PTPRM: variants seen among roughly 807,000 people sequenced by gnomAD.
PTPRM encodes the protein protein tyrosine phosphatase receptor type M, also known as receptor-type tyrosine-protein phosphatase mu.
Under a neutral mutation model 186.7 loss-of-function variants are expected in PTPRM, and 47 were observed. That is an observed-to-expected ratio of 0.25 (90% CI 0.20 to 0.32). PTPRM has a LOEUF of 0.32. Among genes scored for constraint, PTPRM ranks in the 10% least tolerant of loss-of-function variants. The pLI is 1.00. For missense variants in PTPRM, 1,494 were observed against 1,865.0 expected (o/e 0.80, Z 3.66); for synonymous variants, 668 against 674.9 (o/e 0.99, Z 0.16).
At chr18:7,591,929 A>G (rs2037135579) in intron 1 of PTPRM, among the ~76,000 whole-genome samples, 1 of 151,994 alleles carries the variant, frequency 6.6e-6, no homozygotes, top group South Asian at 2.1e-4. Flanking sequence ...ATTAATACCA[A>G]CCTCAGGGGG....
intron 14 of PTPRM, among the ~76,000 whole-genome samples, chr18:8,236,978 T>A (rs558742044): frequency 6.6e-6 from 1 of 152,382 alleles, no homozygotes; most frequent in Admixed American, 6.5e-5. Flanking sequence ...TTGGTTTTAA[T>A]GGAGCATTTT....
intron 32 of PTPRM, 44 bp from the exon 33 acceptor site, chr18:8,406,065 G>A (rs567411297): frequency 1.9e-5 from 30 of 1,570,528 alleles, no homozygotes; most frequent in South Asian, 1.9e-4. Context: ...TAGGAACAGC[G>A]TTGAGATATT....
chr18:8,217,893 T>C (rs1240371629), intron 14 of PTPRM, among the ~76,000 whole-genome samples: 1 of 152,210 alleles, frequency 6.6e-6, no homozygotes, highest in Non-Finnish European at 1.5e-5. Flanking sequence ...ATTAACATGG[T>C]ATCAGGGATC....
At chr18:7,723,775 C>G (rs186229665) in intron 1 of PTPRM, among the ~76,000 whole-genome samples, 1 of 152,296 alleles carries the variant, frequency 6.6e-6, no homozygotes, top group East Asian at 1.9e-4. Flanking sequence ...ACCCTGTCCC[C>G]TGGGGGCGCG....
intron 14 of PTPRM, among the ~76,000 whole-genome samples, chr18:8,204,424 A>G (rs745461586): frequency 2.6e-5 from 4 of 152,128 alleles, no homozygotes; most frequent in African/African-American, 7.2e-5. Flanking sequence ...ATAAGGTTTT[A>G]TTAATGAAAT....
chr18:7,772,659 G>GCTGT, intron 1 of PTPRM, among the ~76,000 whole-genome samples: 1 of 151,970 alleles, frequency 6.6e-6, no homozygotes, highest in East Asian at 1.9e-4. Flanking sequence ...TGGCTGGCTG[G>GCTGT]CTGGGAAGTT....
Position 8,122,828 on chromosome 18 carries a change from C to G in PTPRM, c.2167+8001C>G, listed in dbSNP as rs1310057731. 3.9e-5 allele frequency among the ~76,000 whole-genome samples: 6 copies of G among 152,294 alleles called. No homozygotes were observed. The East Asian group carries it at 1.2e-3, about 29-fold the overall frequency. On this transcript the variant is annotated intron_variant, in intron 13 of 32. Transcript: ENST00000580170. ...GGTGTTTAGGGTGGCAGTGTTCTAA[C>G]AGCTTTGTGTGTATGTACAATAGTT...
chr18:8,237,508 G>T (rs914960276), intron 14 of PTPRM, among the ~76,000 whole-genome samples: 22 of 139,828 alleles, frequency 1.6e-4, no homozygotes, highest in Non-Finnish European at 1.2e-4. Context: ...CAGTGCAATG[G>T]CACGATCTCA....
At chr18:7,946,991 C>T (rs575804268) in intron 5 of PTPRM, 2 of 456,144 alleles carry the variant, frequency 4.4e-6, no homozygotes, top group African/African-American at 4.0e-5. Flanking sequence ...AGTTTTACAG[C>T]AGCACTGAAC....
intron 23 of PTPRM, among the ~76,000 whole-genome samples, chr18:8,366,175 T>C (rs1438860913): frequency 6.6e-6 from 1 of 152,200 alleles, no homozygotes; most frequent in Non-Finnish European, 1.5e-5. Flanking sequence ...CTTATAATCA[T>C]GTCCTATTTA....
chr18:8,398,504 G>A (rs558679544), intron 32 of PTPRM, among the ~76,000 whole-genome samples: 5 of 152,056 alleles, frequency 3.3e-5, no homozygotes, highest in African/African-American at 7.2e-5. Flanking sequence ...GGTGGCTCAC[G>A]CCTGTAATCC....
chr18:7,820,126 CTTG>C (rs926067416), intron 2 of PTPRM, among the ~76,000 whole-genome samples: 7 of 141,708 alleles, frequency 4.9e-5, no homozygotes, highest in Non-Finnish European at 1.1e-4. Context: ...TACAAGACCT[CTTG>C]TTGTGCCTGC....
intron 23 of PTPRM, among the ~76,000 whole-genome samples, chr18:8,356,108 A>G (rs1483511933): frequency 6.6e-6 from 1 of 152,220 alleles, no homozygotes; most frequent in Non-Finnish European, 1.5e-5. Context: ...TGACAGACCA[A>G]ATGATGCATT....
At chr18:7,999,351 G>A (rs1599956246) in intron 7 of PTPRM, among the ~76,000 whole-genome samples, 1 of 152,132 alleles carries the variant, frequency 6.6e-6, no homozygotes, top group Non-Finnish European at 1.5e-5. Context: ...ATGACATGGA[G>A]TGAGACAGTG....
At position 8,126,027 on chromosome 18, in the gene PTPRM, A is replaced by ATATTTTTTTTTTTT. The variant is rs57751538; in HGVS notation, c.2167+11201_2167+11202insATTTTTTTTTTTTT. On this transcript the variant is annotated intron_variant, in intron 13 of 32. Transcript: ENST00000580170. The stretch of plus-strand genomic sequence containing the variant: ...TATATATATATATATATATATATAT[A>ATATTTTTTTTTTTT]TTTTAAATCAGTAGACCTTTCCATT... Among the ~76,000 whole-genome samples the ATATTTTTTTTTTTT allele has an allele frequency of 2.7e-4, 19 of 69,518 alleles. 1 individual carries two copies. Among genetic ancestry groups the ATATTTTTTTTTTTT allele is most frequent in the Non-Finnish European group, 3.1e-4 (11 of 35,304 alleles). 45.6% of individuals were successfully genotyped at this position (69,518 alleles called of 152,430 possible).
chr18:8,314,980 C>T (rs2095297969), intron 21 of PTPRM, 123 bp downstream of exon 21: 1 of 596,518 alleles, frequency 1.7e-6, no homozygotes, highest in Non-Finnish European at 2.8e-6. Flanking sequence ...CTCAGTAAAC[C>T]CAACCATTCT....
chr18:7,991,499 G>A (rs1481234971), intron 7 of PTPRM, among the ~76,000 whole-genome samples: 1 of 152,146 alleles, frequency 6.6e-6, no homozygotes, highest in Admixed American at 6.5e-5. Context: ...AAGTAAAACG[G>A]AAATATTGGT....
At chr18:8,177,186 A>G (rs1400516872) in intron 14 of PTPRM, among the ~76,000 whole-genome samples, 1 of 152,222 alleles carries the variant, frequency 6.6e-6, no homozygotes, top group Admixed American at 6.5e-5. Context: ...TATTCTTAGA[A>G]TCACAGTGTA....
rs1364008437 is a variant in PTPRM at position 7,734,991 on chromosome 18, C to T, written c.74-39158C>T. On this transcript the variant is annotated intron_variant, in intron 1 of 32. Coordinates refer to ENST00000580170, the MANE Select transcript of PTPRM (RefSeq NM_001105244.2). ...CCCTGCAACCAACTGAATGGATCCC[C>T]CTTATGGCCGAGGGGATTCCAAAGA... is the stretch of plus-strand genomic sequence containing the variant. 3.9e-5 allele frequency among the ~76,000 whole-genome samples: 6 copies of T among 152,150 alleles called. No individual in the cohort carries two copies. In the East Asian group the frequency reaches 1.2e-3, roughly 29 times the overall value.
Sources: allele counts gnomAD v4.1 joint callset (sites outside exome capture counted in the v4.1 genomes callset), GRCh38; gene constraint gnomAD v4.1.1; transcripts MANE v1.5; gene names NCBI Gene and HGNC (gene_info 2026-07-23, HGNC 2026-07-21).